SAMMSON: variants seen among roughly 807,000 people sequenced by gnomAD.
The protein encoded by SAMMSON is long intergenic non-protein coding RNA 1212.
At chr3:70,241,801 T>A (rs1701668880) in intron 4 of SAMMSON, among the ~76,000 whole-genome samples, 1 of 152,196 alleles carries the variant, frequency 6.6e-6, no homozygotes, top group Non-Finnish European at 1.5e-5. Flanking sequence ...ATATTATACC[T>A]ATTTTACAAA....
chr3:70,021,544 A>G (rs548660283), intron 3 of SAMMSON, among the ~76,000 whole-genome samples: 1 of 152,310 alleles, frequency 6.6e-6, no homozygotes, highest in Non-Finnish European at 1.5e-5. Flanking sequence ...TATTTCTACT[A>G]GGCCTGATTA....
At chr3:70,425,241 A>C (rs1701352334) in intron 2 of SAMMSON, 1 of 152,098 alleles carries the variant, frequency 6.6e-6, no homozygotes, top group South Asian at 2.1e-4. Flanking sequence ...AGAATATTAG[A>C]CTTAATGATC....
chr3:70,197,663 C>T (rs1559532896), intron 4 of SAMMSON, among the ~76,000 whole-genome samples: 1 of 152,196 alleles, frequency 6.6e-6, no homozygotes, highest in African/African-American at 2.4e-5. Context: ...CATAAATCTG[C>T]CACACCCATA....
intron 6 of SAMMSON, among the ~76,000 whole-genome samples, chr3:70,255,351 A>G (rs958251838): frequency 6.6e-6 from 1 of 152,338 alleles, no homozygotes; most frequent in African/African-American, 2.4e-5. Context: ...ACCAAAGAAG[A>G]GGCTTGGCTG....
At chr3:70,132,353 TA>T (rs1446927317) in intron 4 of SAMMSON, among the ~76,000 whole-genome samples, 1 of 152,156 alleles carries the variant, frequency 6.6e-6, no homozygotes, top group Non-Finnish European at 1.5e-5. Context: ...GCCCTAATTG[TA>T]ATACATTTAA....
intron 7 of SAMMSON, among the ~76,000 whole-genome samples, chr3:70,318,495 GTTC>G (rs1702511630): frequency 6.6e-6 from 1 of 150,966 alleles, no homozygotes; most frequent in Non-Finnish European, 1.5e-5. Flanking sequence ...TGTGTGTGTA[GTTC>G]TTACTTCTTA....
intron 4 of SAMMSON, among the ~76,000 whole-genome samples, chr3:70,173,162 G>A (rs1158596795): frequency 2.0e-5 from 3 of 151,834 alleles, no homozygotes; most frequent in Non-Finnish European, 4.4e-5. Flanking sequence ...TATACTGATA[G>A]AGATATTATT....
At chr3:70,021,251 G>A (rs1431031204) in intron 3 of SAMMSON, among the ~76,000 whole-genome samples, 1 of 152,072 alleles carries the variant, frequency 6.6e-6, no homozygotes, top group African/African-American at 2.4e-5. Flanking sequence ...AGTGTAATGA[G>A]TTCTCATTTT....
At chr3:70,013,482 A>T (rs905173759) in intron 2 of SAMMSON, 1 of 152,158 alleles carries the variant, frequency 6.6e-6, no homozygotes, top group Non-Finnish European at 1.5e-5. Context: ...ATTCTTCTTC[A>T]TCTTCTTTCA....
chr3:70,159,392 A>G (rs1221696378), intron 4 of SAMMSON, among the ~76,000 whole-genome samples: 1 of 147,330 alleles, frequency 6.8e-6, no homozygotes, highest in African/African-American at 2.5e-5. Flanking sequence ...ACCTGTTTTC[A>G]TCTCTCTTCA....
intron 6 of SAMMSON, among the ~76,000 whole-genome samples, chr3:70,252,945 TG>T (rs1701783181): frequency 6.6e-6 from 1 of 151,938 alleles, no homozygotes; most frequent in South Asian, 2.1e-4. Flanking sequence ...CCGGCTGTGG[TG>T]GCAGGCGCCT....
intron 4 of SAMMSON, chr3:70,204,758 A>T (rs1701274769): frequency 6.6e-6 from 1 of 151,552 alleles, no homozygotes; most frequent in East Asian, 1.9e-4. Flanking sequence ...GTGTCATGCT[A>T]GTTGGCTTGG....
chr3:70,070,830 C>T (rs1197805571), intron 3 of SAMMSON, among the ~76,000 whole-genome samples: 1 of 151,918 alleles, frequency 6.6e-6, no homozygotes, highest in Admixed American at 6.6e-5. Flanking sequence ...CTGTCTATTG[C>T]CATTCAGAGC....
rs1014599330 is a variant in SAMMSON, at chr3:70,246,098, TA to T, written n.508-3000del. The stretch of plus-strand genomic sequence containing the variant: ...AGATATCAAAGTTCACTACACACCA[TA>T]AAAAAAAACCCCACAGATATATGCA... On this transcript the variant is annotated intron_variant and non_coding_transcript_variant, in intron 4 of 9. Transcript: ENST00000642114. Among the ~76,000 whole-genome samples, 6 of 150,422 alleles carry T rather than the reference TA, an allele frequency of 4.0e-5. No individual in the cohort carries two copies. The East Asian group carries it at 5.9e-4, about 15-fold the overall frequency.
chr3:70,284,929 T>C (rs1702127283), intron 6 of SAMMSON, among the ~76,000 whole-genome samples: 1 of 152,160 alleles, frequency 6.6e-6, no homozygotes, highest in Non-Finnish European at 1.5e-5. Context: ...TAAATGGCAT[T>C]GGTGTAACTG....
intron 7 of SAMMSON, among the ~76,000 whole-genome samples, chr3:70,292,234 A>G (rs1702245613): frequency 6.6e-6 from 1 of 152,140 alleles, no homozygotes; most frequent in African/African-American, 2.4e-5. Flanking sequence ...TGTTGTACAG[A>G]TTGAGTGGTA....
chr3:70,283,742 G>C (rs934117310), intron 6 of SAMMSON: 1 of 147,682 alleles, frequency 6.8e-6, no homozygotes, highest in Non-Finnish European at 1.5e-5. Context: ...CAGAGTAACA[G>C]AGAATAAAGA....
chr3:70,427,701 GCGCTCCAGC>G (rs1701382535), intron 2 of SAMMSON, among the ~76,000 whole-genome samples: 1 of 149,616 alleles, frequency 6.7e-6, no homozygotes, highest in African/African-American at 2.5e-5. Context: ...TCGCGCCACT[GCGCTCCAGC>G]CTGGGCGACA....
chr3:70,388,156 C>T (rs1327422992), intron 9 of SAMMSON, among the ~76,000 whole-genome samples: 5 of 152,206 alleles, frequency 3.3e-5, no homozygotes, highest in Middle Eastern at 6.8e-3. Flanking sequence ...TAGGCATCTG[C>T]CTGTTCACAT....
Sources: gnomAD v4.1 joint callset for allele counts (sites outside exome capture counted in the v4.1 genomes callset) on GRCh38, gnomAD v4.1.1 for gene constraint, MANE v1.5 for transcripts, NCBI Gene and HGNC (gene_info 2026-07-23, HGNC 2026-07-21) for gene names.